GALNT13: variants seen among roughly 807,000 people sequenced by gnomAD.
The protein encoded by GALNT13 is polypeptide N-acetylgalactosaminyltransferase 13.
Under a neutral mutation model 64.2 loss-of-function variants are expected in GALNT13, and 28 were observed. The observed-to-expected ratio is 0.44, with a 90% CI of 0.32 to 0.60. GALNT13 has a LOEUF of 0.60. Among genes scored for constraint, GALNT13 ranks in the 20% least tolerant of loss-of-function variants. The probability of loss-of-function intolerance (pLI) is 0.05; values close to 1 mark genes in which losing one functional copy is unlikely to be tolerated. For synonymous variants in GALNT13, 214 were observed against 224.6 expected (o/e 0.95, Z 0.42); for missense variants, 577 against 669.8 (o/e 0.86, Z 1.53).
In GALNT13 at chr2:154,396,107, A is replaced by G. The variant is rs1699041417; in HGVS notation, c.1273A>G (p.Arg425Gly). The G allele has an allele frequency of 6.2e-7, 1 of 1,606,600 alleles. No individual in the cohort carries two copies. The highest frequency in any genetic ancestry group is 8.5e-7 in the Non-Finnish European group (1 of 1,176,596). The change falls in exon 10 of 13, where the codon AGA (arginine) becomes GGA (glycine). Residue 425 changes from arginine (R) to glycine (G), a missense_variant. Physicochemically the swap from Arg to Gly is moderately radical, Grantham distance 125. This residue lies in a region of GALNT13 where 232 missense variants were observed against 270.6 expected (regional missense o/e 0.86). Transcript: ENST00000392825. ...ENIYPDSQIPRRYYSLGEIRN... is the reference protein window; with the variant it reads ...ENIYPDSQIPGRYYSLGEIRN... ...CATCTATCCGGACTCCCAGATCCCA[A>G]GACGTTATTACTCACTTGGTGAGGT...
At chr2:153,290,497 A>G in the GALNT13 span, among the ~76,000 whole-genome samples, 2 of 152,228 alleles carry the variant, frequency 1.3e-5, no homozygotes, top group African/African-American at 2.4e-5. Flanking sequence ...TATCTGAGTA[A>G]GAATCACTTC....
At chr2:154,011,129 T>C (rs1351690119) in intron 3 of GALNT13, among the ~76,000 whole-genome samples, 2 of 152,266 alleles carry the variant, frequency 1.3e-5, no homozygotes, top group East Asian at 3.9e-4. Context: ...TTCTTTTCTT[T>C]TGCTAGTTTT....
At chr2:153,145,241 T>C in the GALNT13 span, among the ~76,000 whole-genome samples, 1 of 151,924 alleles carries the variant, frequency 6.6e-6, no homozygotes, top group African/African-American at 2.4e-5. Context: ...GATGCAATAG[T>C]TCATATATTT....
chr2:154,158,473 T>TGTTTTG (rs1257792705), intron 4 of GALNT13, among the ~76,000 whole-genome samples: 1 of 152,210 alleles, frequency 6.6e-6, no homozygotes, highest in Non-Finnish European at 1.5e-5. Context: ...TGTTTTTGTT[T>TGTTTTG]GTTTTGGTTT....
chr2:153,545,160 A>C, the GALNT13 span, among the ~76,000 whole-genome samples: 1 of 152,280 alleles, frequency 6.6e-6, no homozygotes, highest in South Asian at 2.1e-4. Context: ...CTTTCTCTTA[A>C]GTCTGGTGGT....
chr2:154,125,673 G>A (rs1011859438), intron 3 of GALNT13, among the ~76,000 whole-genome samples: 5 of 152,084 alleles, frequency 3.3e-5, no homozygotes, highest in Non-Finnish European at 5.9e-5. Context: ...AAAACTCTAA[G>A]GAAAAAGATT....
At chr2:154,047,059 A>C (rs1002775671) in intron 3 of GALNT13, among the ~76,000 whole-genome samples, 4 of 151,694 alleles carry the variant, frequency 2.6e-5, no homozygotes, top group African/African-American at 9.7e-5. Flanking sequence ...AAAATGTGAG[A>C]CCTCTGATGA....
intron 9 of GALNT13, among the ~76,000 whole-genome samples, chr2:154,388,155 T>C (rs943868178): frequency 6.6e-6 from 1 of 152,216 alleles, no homozygotes. Flanking sequence ...AATTTGCACT[T>C]TCCTAATGAT....
At chr2:153,628,011 T>A in the GALNT13 span, among the ~76,000 whole-genome samples, 546 of 152,238 alleles carry the variant, frequency 3.6e-3, 4 homozygotes, top group Middle Eastern at 0.01. Context: ...TTTGTTTGTA[T>A]ACTCTTATTT....
the GALNT13 span, among the ~76,000 whole-genome samples, chr2:153,428,666 G>A: frequency 3.9e-5 from 6 of 152,178 alleles, no homozygotes; most frequent in Non-Finnish European, 7.3e-5. Flanking sequence ...GAATTGTTTC[G>A]TGTAAGAAAC....
At chr2:154,372,343 T>C (rs1574183578) in intron 9 of GALNT13, among the ~76,000 whole-genome samples, 1 of 151,822 alleles carries the variant, frequency 6.6e-6, no homozygotes, top group Non-Finnish European at 1.5e-5. Flanking sequence ...AATCCTCTAA[T>C]CCCCAGATGT....
At chr2:154,125,766 A>G (rs1682225190) in intron 3 of GALNT13, among the ~76,000 whole-genome samples, 1 of 152,188 alleles carries the variant, frequency 6.6e-6, no homozygotes, top group Non-Finnish European at 1.5e-5. Context: ...AATGTGAATC[A>G]CTAAAAGATG....
At chr2:153,788,012 C>T in the GALNT13 span, among the ~76,000 whole-genome samples, 5 of 152,200 alleles carry the variant, frequency 3.3e-5, no homozygotes, top group Non-Finnish European at 7.3e-5. Flanking sequence ...TTGAAAAACA[C>T]ATTTCAGGAT....
the GALNT13 span, among the ~76,000 whole-genome samples, chr2:153,487,968 T>G: frequency 6.6e-6 from 1 of 152,338 alleles, no homozygotes; most frequent in African/African-American, 2.4e-5. Flanking sequence ...AAAGAACCTC[T>G]GCAGGCAGTC....
rs148303094 is a variant in GALNT13, at chr2:154,268,976, C to T, written c.975+9838C>T. On this transcript the variant is annotated intron_variant, in intron 8 of 12. Transcript: ENST00000392825. ...CTTCAAGTACCCCAATTTTCTTTTG[C>T]TTGCAAATCACAGTGAAAACAATAG... Among the ~76,000 whole-genome samples the T allele has an allele frequency of 1.8e-4, 28 of 152,106 alleles. No individual in the cohort carries two copies. The Middle Eastern group carries it at 0.01, about 55-fold the overall frequency.
intron 2 of GALNT13, among the ~76,000 whole-genome samples, chr2:153,939,171 A>G (rs1691160893): frequency 6.6e-6 from 1 of 152,174 alleles, no homozygotes; most frequent in African/African-American, 2.4e-5. Context: ...ATAGGCTGAT[A>G]GGAAAGCTCG....
At chr2:153,632,958 A>G in the GALNT13 span, among the ~76,000 whole-genome samples, 2 of 151,856 alleles carry the variant, frequency 1.3e-5, no homozygotes, top group African/African-American at 4.8e-5. Flanking sequence ...ATGTGGTTTC[A>G]CTATGTTGGC....
the GALNT13 span, among the ~76,000 whole-genome samples, chr2:153,246,507 G>T: frequency 6.6e-6 from 1 of 152,150 alleles, no homozygotes; most frequent in Non-Finnish European, 1.5e-5. Context: ...CATTCTTAAA[G>T]AAAACAATTT....
At chr2:154,259,238 G>A (rs1485624073) in intron 8 of GALNT13, 100 bp downstream of exon 8, 2 of 723,378 alleles carry the variant, frequency 2.8e-6, no homozygotes, top group Non-Finnish European at 4.8e-6. Flanking sequence ...TTTGCTGAGT[G>A]ATGCAAATTA....
Sources: gnomAD v4.1 joint callset for allele counts (sites outside exome capture counted in the v4.1 genomes callset) on GRCh38, gnomAD v4.1.1 for gene constraint, gnomAD v4.1.1 regional missense constraint, MANE v1.5 for transcripts, NCBI Gene and HGNC (gene_info 2026-07-23, HGNC 2026-07-21) for gene names.